TOX2: variants seen among roughly 807,000 people sequenced by gnomAD.
TOX2 encodes TOX high mobility group box family member 2.
Under a neutral mutation model 47.4 loss-of-function variants are expected in TOX2, and 15 were observed. The ratio of observed to expected loss-of-function variants is 0.32; its 90% confidence interval spans 0.21 to 0.49. The LOEUF is 0.49. Among genes scored for constraint, TOX2 ranks in the 20% least tolerant of loss-of-function variants. The pLI, the probability that TOX2 is intolerant of heterozygous loss-of-function variation, is 0.99. For synonymous variants in TOX2, 290 were observed against 296.6 expected (o/e 0.98, Z 0.23); for missense variants, 622 against 673.1 (o/e 0.92, Z 0.84).
chr20:43,997,064 A>G (rs2070494664), intron 2 of TOX2, among the ~76,000 whole-genome samples: 1 of 151,962 alleles, frequency 6.6e-6, no homozygotes, highest in Non-Finnish European at 1.5e-5. Flanking sequence ...CTATACTCCA[A>G]CTCTCAACAA....
chr20:43,960,012 T>C (rs1270777543), intron 1 of TOX2, among the ~76,000 whole-genome samples: 1 of 152,226 alleles, frequency 6.6e-6, no homozygotes, highest in East Asian at 1.9e-4. Flanking sequence ...CCTAGCTGTG[T>C]GGCCTTGGGC....
chr20:44,053,888 T>G (rs1006231021), intron 4 of TOX2, among the ~76,000 whole-genome samples: 1 of 152,116 alleles, frequency 6.6e-6, no homozygotes, highest in Non-Finnish European at 1.5e-5. Context: ...TTTTGTCTGA[T>G]TATAAGGCAA....
intron 2 of TOX2, among the ~76,000 whole-genome samples, chr20:43,992,070 G>A (rs895665942): frequency 6.6e-6 from 1 of 152,212 alleles, no homozygotes; most frequent in African/African-American, 2.4e-5. Flanking sequence ...GGAAGGCGCT[G>A]CTGAGAAAGT....
At position 44,006,803 on chromosome 20, in the gene TOX2, A is replaced by G. The variant is rs750793826; in HGVS notation, c.411+11A>G. 2 of 1,610,632 alleles carry G rather than the reference A, an allele frequency of 1.2e-6. No homozygotes were observed. Among genetic ancestry groups the G allele is most frequent in the South Asian group, 1.1e-5 (1 of 90,878 alleles). ...GGCCAGCTGCCCACGGTGAGTCCCT[A>G]TCGCCTGCTGCAGTTCCTGCTGATG... On this transcript the variant is annotated intron_variant, in intron 3 of 8. Transcript: ENST00000341197.
At chr20:44,024,735 A>C (rs907491319) in intron 3 of TOX2, among the ~76,000 whole-genome samples, 1 of 152,198 alleles carries the variant, frequency 6.6e-6, no homozygotes, top group African/African-American at 2.4e-5. Flanking sequence ...CCAACCATTT[A>C]CTAAGTATCT....
Position 44,068,909 on chromosome 20 carries a change from G to A in TOX2, c.*223G>A, listed in dbSNP as rs551066379. The A allele has an allele frequency of 1.7e-5, 12 of 703,218 alleles. No individual in the cohort carries two copies. Among genetic ancestry groups the A allele is most frequent in the South Asian group, 1.5e-4 (10 of 66,862 alleles). 43.6% of individuals were successfully genotyped at this position (703,218 alleles called of 1,614,324 possible). A position where few individuals can be genotyped will look rare whatever the true frequency, so the allele number is the denominator to read the frequency against. ...CCCAAAGAACCTGCAGGAACCTTCC[G>A]CCCGCTGACCTGCTTGCTCCAGGGT... is the stretch of plus-strand genomic sequence containing the variant. On this transcript the variant is annotated 3_prime_UTR_variant, in exon 9 of 9. Transcript: ENST00000341197.
chr20:44,032,244 C>A (rs909840910), intron 3 of TOX2, among the ~76,000 whole-genome samples: 22 of 152,164 alleles, frequency 1.4e-4, no homozygotes, highest in African/African-American at 5.1e-4. Context: ...CAGTAGCTCA[C>A]CTCCCATGGT....
chr20:43,980,227 G>C (rs923659778), intron 2 of TOX2, among the ~76,000 whole-genome samples: 1 of 152,178 alleles, frequency 6.6e-6, no homozygotes, highest in African/African-American at 2.4e-5. Flanking sequence ...GCAACAACAT[G>C]GATGGAACTA....
intron 3 of TOX2, among the ~76,000 whole-genome samples, chr20:44,010,937 A>G (rs2070768337): frequency 6.6e-6 from 1 of 152,118 alleles, no homozygotes; most frequent in Non-Finnish European, 1.5e-5. Context: ...GGAGGAACTC[A>G]CTTTCCCCAG....
intron 1 of TOX2, among the ~76,000 whole-genome samples, chr20:43,924,914 G>A (rs558435605): frequency 1.3e-5 from 2 of 152,338 alleles, no homozygotes; most frequent in South Asian, 2.1e-4. Context: ...CCACTGAAAA[G>A]GGAGTGGAGG....
intron 2 of TOX2, among the ~76,000 whole-genome samples, chr20:43,996,114 A>G (rs1286424672): frequency 6.6e-6 from 1 of 152,194 alleles, no homozygotes; most frequent in East Asian, 1.9e-4. Context: ...TGGTTGAACT[A>G]ATTTACACTC....
At chr20:43,939,962 C>T (rs2069380077) in intron 1 of TOX2, among the ~76,000 whole-genome samples, 1 of 152,254 alleles carries the variant, frequency 6.6e-6, no homozygotes, top group Non-Finnish European at 1.5e-5. Context: ...GGCAGGGAGT[C>T]ATGCCCTGTA....
chr20:43,933,917 G>A (rs868981), intron 1 of TOX2, among the ~76,000 whole-genome samples: 20,831 of 151,996 alleles, frequency 0.14, 1,736 homozygotes, highest in East Asian at 0.31. Flanking sequence ...CTTGAGGAGG[G>A]TGGACTGGGA....
At chr20:44,025,846 T>G (rs796557319) in intron 3 of TOX2, among the ~76,000 whole-genome samples, 71 of 152,016 alleles carry the variant, frequency 4.7e-4, no homozygotes, top group African/African-American at 1.7e-3. Context: ...CTCAGCTTTC[T>G]CATCTGTAAA....
At chr20:44,043,470 G>A (rs1168203781) in intron 3 of TOX2, among the ~76,000 whole-genome samples, 1 of 152,180 alleles carries the variant, frequency 6.6e-6, no homozygotes, top group Non-Finnish European at 1.5e-5. Flanking sequence ...TGACAGTGAT[G>A]TTTTATATTT....
rs576375197 is a variant in TOX2, at chr20:44,042,441, A to G, written c.412-8865A>G. On this transcript the variant is annotated intron_variant, in intron 3 of 8. Transcript: ENST00000341197. ...TGTAACCAAATAAGTGAAGATGATCAGCTCCAGGTTTTCTCCCAAAACTCC... is the reference window on the plus strand; with the variant it reads ...TGTAACCAAATAAGTGAAGATGATCGGCTCCAGGTTTTCTCCCAAAACTCC... Among the ~76,000 whole-genome samples the G allele has an allele frequency of 4.6e-5, 7 of 152,386 alleles. No homozygotes were observed. In the South Asian group the frequency reaches 1.4e-3, roughly 32 times the overall value.
intron 2 of TOX2, among the ~76,000 whole-genome samples, chr20:43,995,592 G>A (rs1029453148): frequency 6.6e-6 from 1 of 152,138 alleles, no homozygotes; most frequent in Non-Finnish European, 1.5e-5. Flanking sequence ...GTGGGGATTT[G>A]ATGTACGGAT....
At chr20:43,973,618 G>A (rs570900536) in intron 2 of TOX2, among the ~76,000 whole-genome samples, 186 bp downstream of exon 2, 8 of 152,196 alleles carry the variant, frequency 5.3e-5, no homozygotes, top group African/African-American at 7.2e-5. Context: ...TATAGTGTTC[G>A]TAAATTAACT....
Position 44,054,453 on chromosome 20 carries a change from C to T in TOX2, c.806C>T (p.Pro269Leu). ...CAGGCCGCCATCAAGGGTCAGAACC[C>T]CAGTGCCACTTTCGGTGACGTGTCC... is the stretch of plus-strand genomic sequence containing the variant. Reference protein sequence around the residue: ...DTQAAIKGQNPSATFGDVSKI... With the variant: ...DTQAAIKGQNLSATFGDVSKI... The change falls in exon 5 of 9, where the codon CCC (proline) becomes CTC (leucine). Residue 269 changes from proline (P) to leucine (L), a missense_variant. By Grantham distance (98) the Pro-to-Leu change is moderately conservative. Coordinates refer to ENST00000341197, the MANE Select transcript of TOX2 (RefSeq NM_001098797.2). 6.2e-7 allele frequency: 1 copy of T among 1,613,964 alleles called. No individual in the cohort carries two copies. The highest frequency in any genetic ancestry group is 8.5e-7 in the Non-Finnish European group (1 of 1,179,904).
Sources: allele counts gnomAD v4.1 joint callset (sites outside exome capture counted in the v4.1 genomes callset), GRCh38; gene constraint gnomAD v4.1.1; transcripts MANE v1.5; gene names NCBI Gene and HGNC (gene_info 2026-07-23, HGNC 2026-07-21).